The following FAM149A variants were observed in gnomAD, a reference collection of about 807,000 sequenced individuals.
The protein encoded by FAM149A is protein FAM149A.
A neutral mutation model predicts 78.2 loss-of-function variants in FAM149A; 71 were observed. The observed-to-expected ratio is 0.91, with a 90% CI of 0.75 to 1.11. The LOEUF (loss-of-function observed/expected upper bound fraction) is 1.11. Among genes scored for constraint, FAM149A ranks in the 50% least tolerant of loss-of-function variants. The pLI, the probability that FAM149A is intolerant of heterozygous loss-of-function variation, is 0.00. For synonymous variants in FAM149A, 446 were observed against 410.5 expected (o/e 1.09, Z -1.04); for missense variants, 1,036 against 971.0 (o/e 1.07, Z -0.89).
intron 1 of FAM149A, among the ~76,000 whole-genome samples, chr4:186,136,877 T>A (rs1434421309): frequency 6.6e-6 from 1 of 151,924 alleles, no homozygotes; most frequent in Non-Finnish European, 1.5e-5. Context: ...ACTGGCAGAA[T>A]GGCATTAACA....
intron 1 of FAM149A, chr4:186,146,663 C>G: frequency 2.8e-6 from 2 of 714,394 alleles, no homozygotes; most frequent in Non-Finnish European, 3.4e-6. Context: ...GATAGACCGT[C>G]TTGAGCAGAG....
At chr4:186,118,000 TGAG>T (rs1306359730) in intron 1 of FAM149A, 17 of 985,196 alleles carry the variant, frequency 1.7e-5, no homozygotes, top group Admixed American at 6.2e-5. Context: ...GTCATGCAGA[TGAG>T]GAGTTCACTC....
intron 1 of FAM149A, chr4:186,133,024 A>G (rs932542657): frequency 2.0e-6 from 2 of 985,350 alleles, no homozygotes; most frequent in Non-Finnish European, 2.4e-6. Context: ...GCTGGCCTGC[A>G]CTCAGCACTG....
At position 186,104,952 on chromosome 4, in the gene FAM149A, A is replaced by G; in HGVS notation, c.-125A>G. On this transcript the variant is annotated 5_prime_UTR_variant, in exon 1 of 14. Transcript: ENST00000389354. ...GCGTCCTCGGGGAGGAGAGGGAGCC[A>G]GGGGCCTCCGGGGCTCCGGGTGCGG... The G allele has an allele frequency of 1.7e-6, 2 of 1,168,970 alleles. No individual in the cohort carries two copies. The highest frequency in any genetic ancestry group is 3.2e-5 in the South Asian group (2 of 62,918). The allele number at this position is 1,168,970 out of a possible 1,614,324, so 72.4% of individuals were successfully genotyped here.
At chr4:186,150,699 G>T (rs1183141226) in intron 3 of FAM149A, among the ~76,000 whole-genome samples, 1 of 143,086 alleles carries the variant, frequency 7.0e-6, no homozygotes, top group Non-Finnish European at 1.5e-5. Flanking sequence ...GATTACAGGC[G>T]TGAGCCACCG....
intron 1 of FAM149A, chr4:186,132,105 A>G (rs2099320988): frequency 1.0e-6 from 1 of 985,368 alleles, no homozygotes; most frequent in Non-Finnish European, 1.2e-6. Context: ...TTTCCACAGC[A>G]GAGGCTTGGT....
chr4:186,137,181 T>G (rs1025852676), intron 1 of FAM149A, among the ~76,000 whole-genome samples: 1 of 152,030 alleles, frequency 6.6e-6, no homozygotes, highest in Non-Finnish European at 1.5e-5. Context: ...AGCTAAACTT[T>G]TAAAGCTAGA....
rs1735652010 is a variant in FAM149A, at chr4:186,174,075, C to T, written c.*2088C>T. On this transcript the variant is annotated 3_prime_UTR_variant, in exon 14 of 14. Transcript: ENST00000389354. ...CCATCCAACTCCTTCCCTATTCAGT[C>T]CAAACTTCCTTTTTTTTTTTTTTTA... 1.0e-5 allele frequency among the ~76,000 whole-genome samples: 1 copy of T among 97,706 alleles called. No homozygotes were observed. 64.1% of individuals were successfully genotyped at this position (97,706 alleles called of 152,430 possible). A position where few individuals can be genotyped will look rare whatever the true frequency, so the allele number is the denominator to read the frequency against.
intron 5 of FAM149A, 56 bp from the exon 6 acceptor site, chr4:186,154,412 C>T: frequency 7.1e-7 from 1 of 1,405,438 alleles, no homozygotes; most frequent in Non-Finnish European, 9.8e-7. Context: ...ATCGTTTAAG[C>T]ATTGCGTTCT....
chr4:186,109,083 G>T, intron 1 of FAM149A: 1 of 455,008 alleles, frequency 2.2e-6, no homozygotes. Flanking sequence ...TCCTGACCTT[G>T]TAATTTGCCC....
intron 1 of FAM149A, 118 bp from the exon 2 acceptor site, chr4:186,149,055 G>A: frequency 1.5e-6 from 1 of 670,430 alleles, no homozygotes; most frequent in Admixed American, 3.7e-5. Context: ...GGTGGGTTTG[G>A]AGGGATGTGG....
intron 1 of FAM149A, among the ~76,000 whole-genome samples, chr4:186,118,500 A>G (rs1373346999): frequency 6.6e-6 from 1 of 152,102 alleles, no homozygotes; most frequent in East Asian, 1.9e-4. Flanking sequence ...TTTGATTTTT[A>G]TTATGTTTTA....
Position 186,105,505 on chromosome 4 carries a change from C to G in FAM149A, c.429C>G (p.Asn143Lys). ...GGGTCTGGGCCGCGCTCCCCAGGAA[C>G]CCGCTCCAGCCTGGCCCCGGAGAGC... The change falls in exon 1 of 14, where the codon AAC (asparagine) becomes AAG (lysine). Residue 143 changes from asparagine (N) to lysine (K), a missense_variant. Around this residue, in one of 3 missense-constraint regions of FAM149A, gnomAD observed 316 missense variants for 241.9 expected, o/e 1.31. Transcript: ENST00000389354. The G allele has an allele frequency of 8.5e-7, 1 of 1,175,312 alleles. No homozygotes were observed. Among genetic ancestry groups the G allele is most frequent in the Non-Finnish European group, 1.1e-6 (1 of 941,838 alleles). The allele number at this position is 1,175,312 out of a possible 1,614,324, so 72.8% of individuals were successfully genotyped here.
intron 3 of FAM149A, among the ~76,000 whole-genome samples, chr4:186,150,449 TCG>T (rs1163785798): frequency 2.5e-5 from 3 of 118,008 alleles, no homozygotes; most frequent in Non-Finnish European, 5.3e-5. Flanking sequence ...AGACGGAGTC[TCG>T]CTCTGTCGCC....
intron 1 of FAM149A, among the ~76,000 whole-genome samples, chr4:186,133,707 G>A (rs1244069638): frequency 6.6e-6 from 1 of 152,200 alleles, no homozygotes; most frequent in Non-Finnish European, 1.5e-5. Context: ...TCAGGCTGGA[G>A]TACAGTGGCG....
chr4:186,153,831 C>T, intron 5 of FAM149A, 61 bp downstream of exon 5: 2 of 1,536,010 alleles, frequency 1.3e-6, no homozygotes, highest in South Asian at 1.2e-5. Context: ...TATACTTTTT[C>T]ATGTTTATCT....
chr4:186,137,021 A>ACTCTCTCTCTC (rs1554068550), intron 1 of FAM149A, among the ~76,000 whole-genome samples: 8 of 93,740 alleles, frequency 8.5e-5, no homozygotes, highest in South Asian at 7.6e-4. Context: ...TCTCTCTCTA[A>ACTCTCTCTCTC]GTGCTTAAAG....
chr4:186,148,048 T>G (rs1424206135), intron 1 of FAM149A, among the ~76,000 whole-genome samples: 1 of 152,188 alleles, frequency 6.6e-6, no homozygotes, highest in Non-Finnish European at 1.5e-5. Flanking sequence ...CTTTGTTGGC[T>G]GGGTGTGGTG....
chr4:186,150,692 T>G (rs1229803667), intron 3 of FAM149A, among the ~76,000 whole-genome samples: 2 of 146,632 alleles, frequency 1.4e-5, no homozygotes, highest in Non-Finnish European at 3.0e-5. Context: ...GTGCTGGGAT[T>G]ACAGGCGTGA....
Sources: gnomAD v4.1 joint callset for allele counts (sites outside exome capture counted in the v4.1 genomes callset) on GRCh38, gnomAD v4.1.1 for gene constraint, gnomAD v4.1.1 regional missense constraint, MANE v1.5 for transcripts, NCBI Gene and HGNC (gene_info 2026-07-23, HGNC 2026-07-21) for gene names.